The following FBXL19 variants were observed in gnomAD, a reference collection of about 807,000 sequenced individuals.
The protein encoded by FBXL19 is F-box/LRR-repeat protein 19.
Under a neutral mutation model 71.2 loss-of-function variants are expected in FBXL19, and 16 were observed. That is an observed-to-expected ratio of 0.22 (90% CI 0.15 to 0.34). FBXL19 has a LOEUF of 0.34. Ranked by LOEUF, FBXL19 falls within the 10% of genes least tolerant of loss-of-function variation. The pLI is 1.00. For synonymous variants in FBXL19, 447 were observed against 409.4 expected, an observed-to-expected ratio of 1.09 and a Z score of -1.11; for missense variants, 658 against 968.2, an observed-to-expected ratio of 0.68 and a Z score of 4.25.
rs1171920510 is a variant in FBXL19, at chr16:30,946,056, C to G, written c.1628-674C>G. On this transcript the variant is annotated intron_variant, in intron 9 of 10. Transcript: ENST00000338343. The surrounding 1 kb of genome is among the most constrained non-coding windows in gnomAD (Gnocchi z 6.7). ...GAGGTTGAATTGGCTCAGGATTCTG[C>G]AAGCTGTACAGGAAGTATCGTGCCT... Among the ~76,000 whole-genome samples the G allele has an allele frequency of 6.6e-6, 1 of 152,056 alleles. No individual in the cohort carries two copies. The highest frequency in any genetic ancestry group is 1.5e-5 in the Non-Finnish European group (1 of 68,018).
intron 6 of FBXL19, among the ~76,000 whole-genome samples, chr16:30,929,725 T>G (rs2055646900): frequency 6.6e-6 from 1 of 152,114 alleles, no homozygotes; most frequent in African/African-American, 2.4e-5. Flanking sequence ...CCAGTTTATT[T>G]TTGTATTTTT....
chr16:30,936,940 A>G (rs2143358467), intron 7 of FBXL19, among the ~76,000 whole-genome samples: 1 of 151,572 alleles, frequency 6.6e-6, no homozygotes, highest in East Asian at 1.9e-4. Flanking sequence ...ACGAGGTTTC[A>G]CTATGTTGGC....
chr16:30,932,254 A>C (rs1306670565), intron 7 of FBXL19, among the ~76,000 whole-genome samples: 1 of 152,208 alleles, frequency 6.6e-6, no homozygotes, highest in African/African-American at 2.4e-5. Context: ...TGCTGAACGC[A>C]CAGCCTGTCA....
chr16:30,938,524 C>G (rs2055762768), intron 7 of FBXL19, among the ~76,000 whole-genome samples: 1 of 152,146 alleles, frequency 6.6e-6, no homozygotes, highest in African/African-American at 2.4e-5. Context: ...TGAAATGACA[C>G]ACTGGGCCTC....
chr16:30,939,670 G>A (rs565049350), intron 7 of FBXL19, among the ~76,000 whole-genome samples: 5 of 151,796 alleles, frequency 3.3e-5, no homozygotes, highest in South Asian at 2.1e-4. Flanking sequence ...CACCCACCTC[G>A]GCCTCCCAAA....
rs1257139327 is a variant in FBXL19, at chr16:30,934,967, G to C, written c.1301+4383G>C. Among the ~76,000 whole-genome samples the C allele has an allele frequency of 2.0e-5, 3 of 152,346 alleles. No individual in the cohort carries two copies. The East Asian group carries it at 5.8e-4, about 29-fold the overall frequency. ...TCAGTACTTGTGAGTTAGAGCAAGA[G>C]CCTAGCCAGATAATTGGAGGAGCTC... On this transcript the variant is annotated intron_variant, in intron 7 of 10. Transcript: ENST00000338343.
rs1302934692 is a variant in FBXL19 at position 30,930,195 on chromosome 16, C to T, written c.912C>T (p.Ser304=). 6.2e-7 allele frequency: 1 copy of T among 1,613,270 alleles called. No homozygotes were observed. Among genetic ancestry groups the T allele is most frequent in the Non-Finnish European group, 8.5e-7 (1 of 1,179,888 alleles). Residue 304 remains serine (S), a synonymous_variant, in exon 7 of 11, where the codon TCC becomes TCT. Coordinates refer to ENST00000338343, the MANE Select transcript of FBXL19 (RefSeq NM_001382779.1). The surrounding 1 kb of genome is among the most constrained non-coding windows in gnomAD (Gnocchi z 8.5). The part of the protein sequence containing the change: ...CQLLERVPDT[S]SSSSDSDSDS... ...TGCTGGAACGGGTGCCTGACACCTC[C>T]TCTTCCTCCTCGGACTCAGACTCCG...
At chr16:30,923,257 CCTT>C (rs780332413), upstream of FBXL19, 84 of 452,070 alleles carry the variant, frequency 1.9e-4, no homozygotes, top group South Asian at 1.0e-3. Context: ...CGTTCCCTCT[CCTT>C]CTCGATGTTC....
chr16:30,931,301 G>C (rs1485639339), intron 7 of FBXL19, among the ~76,000 whole-genome samples: 5 of 152,066 alleles, frequency 3.3e-5, no homozygotes, highest in Admixed American at 3.3e-4. Context: ...AGAGGCCTTC[G>C]GCGTGTTGAC....
intron 7 of FBXL19, among the ~76,000 whole-genome samples, chr16:30,933,302 C>G (rs2055695884): frequency 6.6e-6 from 1 of 151,956 alleles, no homozygotes; most frequent in Admixed American, 6.6e-5. Context: ...TGCGCCTGGC[C>G]TAATTTTTGT....
chr16:30,928,547 G>A lies in FBXL19; in HGVS notation c.708G>A (p.Pro236=), dbSNP rs541182178. 15 of 1,607,568 alleles carry A rather than the reference G, an allele frequency of 9.3e-6. No homozygotes were observed. The highest frequency in any genetic ancestry group is 4.5e-5 in the East Asian group (2 of 43,982). Residue 236 remains proline, a synonymous_variant, in exon 6 of 11, where the codon CCG becomes CCA. Coordinates refer to ENST00000338343, the MANE Select transcript of FBXL19 (RefSeq NM_001382779.1). ...CLLRGSDPGG[P]GLLPPRVLNP... ...TCCGAGGATCGGACCCAGGCGGCCC[G>A]GGCCTGCTGCCCCCCAGGGTTCTGA...
At position 30,948,455 on chromosome 16, in the gene FBXL19, G is replaced by T. The variant is rs1440792387; in HGVS notation, c.*1225G>T. 3.9e-5 allele frequency: 6 copies of T among 152,562 alleles called. No individual in the cohort carries two copies. The highest frequency in any genetic ancestry group is 1.4e-4 in the African/African-American group (6 of 41,588). The allele number at this position is 152,562 out of a possible 1,614,324, so 9.5% of individuals were successfully genotyped here. A position where few individuals can be genotyped will look rare whatever the true frequency, so the allele number is the denominator to read the frequency against. On this transcript the variant is annotated 3_prime_UTR_variant, in exon 11 of 11. Transcript: ENST00000338343. ...TCCCTGCCCCTTCCTCGAGCGCGGG[G>T]TGGGGCTTCGGGACCCCGGGGATGA...
chr16:30,947,072 C>G lies in FBXL19; in HGVS notation c.1867C>G (p.His623Asp). 1 of 1,595,488 alleles carries G rather than the reference C, an allele frequency of 6.3e-7. No individual in the cohort carries two copies. Among genetic ancestry groups the G allele is most frequent in the Non-Finnish European group, 8.5e-7 (1 of 1,175,210 alleles). ...NLAGCHRLTD[H>D]CLPLFRRCPR... The stretch of plus-strand genomic sequence containing the variant: ...CCCAGGTTGCCACCGCCTAACGGAC[C>G]ACTGCCTCCCGCTGTTCCGCCGCTG... Residue 623 changes from histidine (H) to aspartate (D), a missense_variant, in exon 11 of 11, where the codon CAC (histidine) becomes GAC (aspartate). His to Asp is a moderately conservative substitution (Grantham distance 81). Coordinates refer to ENST00000338343, the MANE Select transcript of FBXL19 (RefSeq NM_001382779.1).
At chr16:30,933,813 C>G (rs1013655483) in intron 7 of FBXL19, among the ~76,000 whole-genome samples, 2 of 149,000 alleles carry the variant, frequency 1.3e-5, no homozygotes, top group African/African-American at 5.0e-5. Context: ...AGTGCAATGG[C>G]ATGATCTCGG....
At chr16:30,923,147 C>G (rs746141195), upstream of FBXL19, 1 of 456,680 alleles carries the variant, frequency 2.2e-6, no homozygotes, top group African/African-American at 2.0e-5. Flanking sequence ...CTGCGACTCC[C>G]GTCAGGTACC....
Position 30,937,048 on chromosome 16 carries a change from TTTTCTTTACTGTAGAAAGGA to T in FBXL19, c.1302-5067_1302-5048del, listed in dbSNP as rs1368167826. On this transcript the variant is annotated intron_variant, in intron 7 of 10. Coordinates refer to ENST00000338343, the MANE Select transcript of FBXL19 (RefSeq NM_001382779.1). ...TGAGCCACCGCACACGCTTGCCTCA[TTTTCTTTACTGTAGAAAGGA>T]GATGATGATGGTAATGTTGACCTCC... is the stretch of plus-strand genomic sequence containing the variant. 1.3e-5 allele frequency among the ~76,000 whole-genome samples: 2 copies of T among 152,102 alleles called. 1 individual carries two copies. Among genetic ancestry groups the T allele is most frequent in the African/African-American group, 4.8e-5 (2 of 41,390 alleles).
chr16:30,927,436 C>T lies in FBXL19; in HGVS notation c.306C>T (p.His102=). ...GTACAATCTGCAACGAGATCGTCCA[C>T]CCCGGCTGCCTGAAGGTGATGGCCC... The part of the protein sequence containing the change: ...MECTICNEIV[H]PGCLKMGKAE... Residue 102 remains histidine (H), a synonymous_variant, in exon 3 of 11, where the codon CAC becomes CAT. Coordinates refer to ENST00000338343, the MANE Select transcript of FBXL19 (RefSeq NM_001382779.1). 3 of 1,590,122 alleles carry T rather than the reference C, an allele frequency of 1.9e-6. No homozygotes were observed. In the African/African-American group the frequency reaches 4.0e-5, roughly 21 times the overall value.
Position 30,942,316 on chromosome 16 carries a change from G to C in FBXL19, c.1465+37G>C. 6.3e-7 allele frequency: 1 copy of C among 1,598,946 alleles called. No homozygotes were observed. The highest frequency in any genetic ancestry group is 1.1e-5 in the South Asian group (1 of 89,216). The stretch of plus-strand genomic sequence containing the variant: ...GGTACGGAGGACAGGGTGGGGACAG[G>C]GACAGGCCTGGGATGGAGTCCTCAC... On this transcript the variant is annotated intron_variant, in intron 8 of 10. Transcript: ENST00000338343. This position sits in a 1 kb window ranked among gnomAD's most constrained non-coding sequence, Gnocchi z 5.7.
chr16:30,942,512 C>T lies in FBXL19; in HGVS notation c.1603C>T (p.Leu535=), dbSNP rs2055814507. 6.3e-7 allele frequency: 1 copy of T among 1,593,138 alleles called. No individual in the cohort carries two copies. The change falls in exon 9 of 11, where the codon CTG becomes TTG. Residue 535 remains leucine, a synonymous_variant. Transcript: ENST00000338343. The surrounding 1 kb of genome is among the most constrained non-coding windows in gnomAD (Gnocchi z 5.7). ...VKDSQLRELL[L]PPPDTKPGQT... ...AGACTCCCAGCTCCGGGAGTTGCTG[C>T]TGCCTCCACCAGACACCAAACCAGG...
Sources: allele counts gnomAD v4.1 joint callset (sites outside exome capture counted in the v4.1 genomes callset), GRCh38; gene constraint gnomAD v4.1.1; non-coding constraint Gnocchi (gnomAD v3.1); transcripts MANE v1.5; gene names NCBI Gene and HGNC (gene_info 2026-07-23, HGNC 2026-07-21).